Variants in SDK1 observed in about 807,000 individuals in gnomAD.
SDK1 encodes the protein protein sidekick-1.
Under a neutral mutation model 245.5 loss-of-function variants are expected in SDK1, and 157 were observed. That is an observed-to-expected ratio of 0.64 (90% confidence interval 0.56 to 0.73). SDK1 has a LOEUF of 0.73. Among genes scored for constraint, SDK1 ranks in the 30% least tolerant of loss-of-function variants. The pLI, the probability that SDK1 is intolerant of heterozygous loss-of-function variation, is 0.00. For missense variants in SDK1, 3,583 were observed against 3,002.3 expected (o/e 1.19, Z -4.52); for synonymous variants, 1,647 against 1,278.5 (o/e 1.29, Z -6.15).
chr7:3,568,626 G>A (rs770569021), intron 1 of SDK1, among the ~76,000 whole-genome samples: 10 of 152,150 alleles, frequency 6.6e-5, no homozygotes, highest in Non-Finnish European at 8.8e-5. Context: ...CCTCAGAAAT[G>A]GTTCTCACCA....
chr7:3,348,236 C>A (rs147883548), intron 1 of SDK1, among the ~76,000 whole-genome samples: 20 of 152,184 alleles, frequency 1.3e-4, no homozygotes, highest in African/African-American at 4.3e-4. Flanking sequence ...CTGTGTGATC[C>A]GAGGCAATTT....
intron 12 of SDK1, among the ~76,000 whole-genome samples, 173 bp from the exon 13 acceptor site, chr7:3,974,196 A>AG (rs995636202): frequency 1.3e-5 from 2 of 151,696 alleles, no homozygotes; most frequent in African/African-American, 4.8e-5. Context: ...AAAAAAAAAA[A>AG]AAAAGAAAGA....
At chr7:3,550,683 C>T (rs1024511398) in intron 1 of SDK1, among the ~76,000 whole-genome samples, 6 of 152,162 alleles carry the variant, frequency 3.9e-5, no homozygotes, top group Non-Finnish European at 2.9e-5. Flanking sequence ...AATTTTCTTG[C>T]ACTCATTAAA....
At chr7:3,325,133 T>A (rs2128548903) in intron 1 of SDK1, among the ~76,000 whole-genome samples, 1 of 152,196 alleles carries the variant, frequency 6.6e-6, no homozygotes, top group Admixed American at 6.5e-5. Context: ...TTGGTGATGC[T>A]TCAGTCTCAC....
intron 5 of SDK1, among the ~76,000 whole-genome samples, chr7:3,840,709 A>G (rs1344739578): frequency 6.6e-6 from 1 of 152,240 alleles, no homozygotes; most frequent in Non-Finnish European, 1.5e-5. Flanking sequence ...GCTGGGTAGC[A>G]GAGTTCTCGA....
chr7:3,573,852 G>T (rs1291667232), intron 1 of SDK1, among the ~76,000 whole-genome samples: 3 of 151,774 alleles, frequency 2.0e-5, no homozygotes, highest in African/African-American at 7.3e-5. Flanking sequence ...TCTCCTTCCA[G>T]TACTCATTAA....
intron 1 of SDK1, among the ~76,000 whole-genome samples, chr7:3,377,192 A>G (rs1281961432): frequency 6.6e-6 from 1 of 152,090 alleles, no homozygotes; most frequent in East Asian, 1.9e-4. Context: ...CTTGCCTTAG[A>G]CACGTTGATT....
chr7:3,349,207 A>T (rs1451374790), intron 1 of SDK1, among the ~76,000 whole-genome samples: 2 of 152,048 alleles, frequency 1.3e-5, no homozygotes. Context: ...ACAACAAAAA[A>T]AACACAACAA....
At chr7:3,366,648 A>G (rs1354403671) in intron 1 of SDK1, among the ~76,000 whole-genome samples, 1 of 152,190 alleles carries the variant, frequency 6.6e-6, no homozygotes, top group Non-Finnish European at 1.5e-5. Context: ...GAACATCTTT[A>G]AAAACATTTA....
chr7:3,394,209 C>T (rs1781834877), intron 1 of SDK1, among the ~76,000 whole-genome samples: 1 of 152,154 alleles, frequency 6.6e-6, no homozygotes, highest in Non-Finnish European at 1.5e-5. Flanking sequence ...CCCCGACCCT[C>T]ATTTTGAGTT....
intron 5 of SDK1, among the ~76,000 whole-genome samples, chr7:3,875,346 G>T (rs1781050650): frequency 6.6e-6 from 1 of 152,224 alleles, no homozygotes; most frequent in African/African-American, 2.4e-5. Context: ...GAAAGCACAA[G>T]TTTGCTGTAG....
At chr7:3,465,462 A>G (rs1780969586) in intron 1 of SDK1, among the ~76,000 whole-genome samples, 1 of 152,220 alleles carries the variant, frequency 6.6e-6, no homozygotes. Flanking sequence ...TGTTTCCACT[A>G]GGGATACTCT....
intron 4 of SDK1, among the ~76,000 whole-genome samples, chr7:3,653,491 T>C (rs1292248415): frequency 1.3e-5 from 2 of 151,918 alleles, no homozygotes; most frequent in African/African-American, 4.8e-5. Flanking sequence ...AAGGCCACAG[T>C]GTTAGAGTAG....
In SDK1 at chr7:3,951,838, C is replaced by T. The variant is rs1780856072; in HGVS notation, c.1068C>T (p.Asp356=). 3 of 1,613,718 alleles carry T rather than the reference C, an allele frequency of 1.9e-6. No homozygotes were observed. The highest frequency in any genetic ancestry group is 3.3e-5 in the Admixed American group (2 of 60,000). Residue 356 remains aspartate, a synonymous_variant, in exon 7 of 45, where the codon GAC becomes GAT. Coordinates refer to ENST00000404826, the MANE Select transcript of SDK1 (RefSeq NM_152744.4). Reference sequence around the variant, plus strand: ...CCATCAGCAACCCGACGTCCGCGGACACCGGGCCATACGTCTGCGAGGCGG... The same window carrying T: ...CCATCAGCAACCCGACGTCCGCGGATACCGGGCCATACGTCTGCGAGGCGG... ...RLTISNPTSA[D]TGPYVCEAAL...
At chr7:3,592,312 C>T (rs928226219) in intron 1 of SDK1, among the ~76,000 whole-genome samples, 6 of 152,220 alleles carry the variant, frequency 3.9e-5, no homozygotes, top group African/African-American at 1.4e-4. Context: ...TTTCTCCCCT[C>T]TCCCCCACCT....
At chr7:3,906,562 T>G (rs1171002084) in intron 5 of SDK1, among the ~76,000 whole-genome samples, 1 of 151,134 alleles carries the variant, frequency 6.6e-6, no homozygotes, top group Non-Finnish European at 1.5e-5. Flanking sequence ...AGAGCTGGTT[T>G]AAATTAATTT....
chr7:3,445,634 A>G (rs922670181), intron 1 of SDK1, among the ~76,000 whole-genome samples: 17 of 152,166 alleles, frequency 1.1e-4, no homozygotes, highest in Non-Finnish European at 8.8e-5. Flanking sequence ...GAAAACTGAC[A>G]TTGGTACAAT....
chr7:3,975,294 A>G (rs1177862891), intron 13 of SDK1, among the ~76,000 whole-genome samples: 1 of 152,206 alleles, frequency 6.6e-6, no homozygotes, highest in South Asian at 2.1e-4. Flanking sequence ...ACCTGAAAAT[A>G]AAGAATCCCA....
rs1396424039 is a variant in SDK1, at chr7:3,695,791, G to T, written c.713+53686G>T. The stretch of plus-strand genomic sequence containing the variant: ...TAAACAGAGAAGGCAACCGCTAGAC[G>T]TAGCCTGTATGTGCAGTAGAGGGCA... On this transcript the variant is annotated intron_variant, in intron 4 of 44. Transcript: ENST00000404826. Among the ~76,000 whole-genome samples, 6 of 152,158 alleles carry T rather than the reference G, an allele frequency of 3.9e-5. No individual in the cohort carries two copies. The East Asian group carries it at 1.2e-3, about 29-fold the overall frequency.
Sources: allele counts gnomAD v4.1 joint callset (sites outside exome capture counted in the v4.1 genomes callset), GRCh38; gene constraint gnomAD v4.1.1; transcripts MANE v1.5; gene names NCBI Gene and HGNC (gene_info 2026-07-23, HGNC 2026-07-21).